MEF2B: variants seen among roughly 807,000 people sequenced by gnomAD.
MEF2B encodes the protein myocyte-specific enhancer factor 2B.
MEF2B carries 15 observed loss-of-function variants against 32.2 expected under a neutral mutation model. The observed-to-expected ratio is 0.47, with a 90% CI of 0.31 to 0.72. The LOEUF is 0.72. MEF2B is among the 30% of genes least tolerant of loss of function. The pLI is 0.05. For missense variants in MEF2B, 441 were observed against 511.5 expected, an observed-to-expected ratio of 0.86 and a Z score of 1.33; for synonymous variants, 205 against 225.6, an observed-to-expected ratio of 0.91 and a Z score of 0.82.
intron 1 of MEF2B, among the ~76,000 whole-genome samples, chr19:19,153,778 T>C (rs917633394): frequency 6.6e-6 from 1 of 152,054 alleles, no homozygotes; most frequent in African/African-American, 2.4e-5. Context: ...TTTGAGACAG[T>C]CTTGCTCTGT....
intron 1 of MEF2B, among the ~76,000 whole-genome samples, chr19:19,152,586 C>T (rs1425646378): frequency 6.6e-6 from 1 of 152,118 alleles, no homozygotes; most frequent in Non-Finnish European, 1.5e-5. Context: ...CACCTGTAGA[C>T]CCAGCTACTC....
chr19:19,147,936 T>A, intron 3 of MEF2B, 104 bp from the exon 4 acceptor site: 2 of 1,477,002 alleles, frequency 1.4e-6, no homozygotes, highest in Non-Finnish European at 8.9e-7. Flanking sequence ...GCTCCATGAG[T>A]GGGGAGGAAT....
chr19:19,164,868 G>A (rs2060194324), intron 1 of MEF2B, among the ~76,000 whole-genome samples: 1 of 152,208 alleles, frequency 6.6e-6, no homozygotes. Context: ...AGCCACAGTA[G>A]TGGCTGCAGG....
chr19:19,165,215 A>G (rs1197382449), intron 1 of MEF2B, among the ~76,000 whole-genome samples: 1 of 152,114 alleles, frequency 6.6e-6, no homozygotes, highest in South Asian at 2.1e-4. Context: ...ACATAACCGT[A>G]TCTGGGAAGA....
chr19:19,150,260 T>C lies in MEF2B; in HGVS notation c.54+422A>G, dbSNP rs530350053. Among the ~76,000 whole-genome samples the C allele has an allele frequency of 2.0e-5, 3 of 149,578 alleles. No individual in the cohort carries two copies. In the East Asian group the frequency reaches 6.2e-4, roughly 31 times the overall value. ...AGAAACACTGACAGACCAGGCGCGG[T>C]GGCTCACGCCTGTAATCCCAGCACT... On this transcript the variant is annotated intron_variant, in intron 2 of 8. Transcript: ENST00000424583.
chr19:19,154,534 C>T (rs982893501), intron 1 of MEF2B, among the ~76,000 whole-genome samples: 1 of 152,112 alleles, frequency 6.6e-6, no homozygotes, highest in African/African-American at 2.4e-5. Context: ...GTCTTCACCT[C>T]CCGGGTTCAA....
At chr19:19,160,890 G>A (rs1046658109) in intron 1 of MEF2B, among the ~76,000 whole-genome samples, 7 of 152,028 alleles carry the variant, frequency 4.6e-5, no homozygotes, top group Non-Finnish European at 7.4e-5. Context: ...CCCTGGGCCC[G>A]CCTCCTCCCC....
Position 19,146,298 on chromosome 19 carries a change from G to T in MEF2B, c.856C>A (p.Pro286Thr). The change falls in exon 8 of 9, where the codon CCC becomes ACC. Residue 286 changes from proline (P) to threonine (T), a missense_variant. By Grantham distance (38) the Pro-to-Thr change is conservative (BLOSUM62 -1). Transcript: ENST00000424583. ...CTGGGCTGGGAGGACACGGCGGGGG[G>T]CCCATCACCCCTCGAGGGCTGCCAG... ...APWQPSRGDG[P>T]PAVSSQPSGG... 7.5e-7 allele frequency: 1 copy of T among 1,328,512 alleles called. No individual in the cohort carries two copies. Among genetic ancestry groups the T allele is most frequent in the Non-Finnish European group, 9.7e-7 (1 of 1,033,142 alleles). The allele number at this position is 1,328,512 out of a possible 1,614,324, so 82.3% of individuals were successfully genotyped here. A position where few individuals can be genotyped will look rare whatever the true frequency, so the allele number is the denominator to read the frequency against.
intron 1 of MEF2B, among the ~76,000 whole-genome samples, chr19:19,164,993 C>T (rs67845377): frequency 0.17 from 25,223 of 152,152 alleles, 2,400 homozygotes; most frequent in East Asian, 0.37. Context: ...CATCTGTCAG[C>T]GCTGGGCAGA....
intron 1 of MEF2B, among the ~76,000 whole-genome samples, chr19:19,163,820 A>G (rs992671731): frequency 2.6e-5 from 4 of 151,612 alleles, no homozygotes; most frequent in Admixed American, 1.3e-4. Flanking sequence ...CACATGGCTA[A>G]TTTTTTGATT....
intron 3 of MEF2B, among the ~76,000 whole-genome samples, chr19:19,148,598 C>G (rs566515406): frequency 6.6e-6 from 1 of 152,306 alleles, no homozygotes; most frequent in Non-Finnish European, 1.5e-5. Context: ...CAAAACACTG[C>G]GGACTCCCAG....
chr19:19,152,459 ATTTT>A lies in MEF2B; in HGVS notation c.-29-1699_-29-1696del, dbSNP rs1482590837. ...GGTAGCTCATGCCTGTAATCCCAGT[ATTTT>A]GGGAGGCTGAGGTGGGTGGATCACG... On this transcript the variant is annotated intron_variant, in intron 1 of 8. Coordinates refer to ENST00000424583, the MANE Select transcript of MEF2B (RefSeq NM_001145785.2). Among the ~76,000 whole-genome samples the A allele has an allele frequency of 1.9e-3, 285 of 151,744 alleles. 1 individual carries two copies. Among genetic ancestry groups the A allele is most frequent in the Non-Finnish European group, 2.9e-3 (200 of 67,940 alleles).
At chr19:19,164,038 C>T (rs1244663226) in intron 1 of MEF2B, among the ~76,000 whole-genome samples, 2 of 152,082 alleles carry the variant, frequency 1.3e-5, no homozygotes, top group African/African-American at 2.4e-5. Flanking sequence ...GCGATCTCAG[C>T]TCACCGCAAC....
At chr19:19,154,991 C>G (rs1237310673) in intron 1 of MEF2B, among the ~76,000 whole-genome samples, 3 of 152,212 alleles carry the variant, frequency 2.0e-5, no homozygotes, top group Non-Finnish European at 4.4e-5. Context: ...TACACCAACT[C>G]TGGAGGCAGG....
chr19:19,170,123 C>T, intron 1 of MEF2B, 82 bp downstream of exon 1: 1 of 398,122 alleles, frequency 2.5e-6, no homozygotes, highest in Non-Finnish European at 4.4e-6. Context: ...CCCAGCAGTA[C>T]ACCCGGACCT....
intron 1 of MEF2B, among the ~76,000 whole-genome samples, chr19:19,161,812 T>G (rs1295598919): frequency 7.1e-6 from 1 of 141,562 alleles, no homozygotes; most frequent in South Asian, 2.3e-4. Context: ...TTCTTTTTTG[T>G]TTTTTTTTTT....
intron 1 of MEF2B, among the ~76,000 whole-genome samples, chr19:19,160,560 G>A (rs557765213): frequency 1.3e-5 from 2 of 151,610 alleles, no homozygotes; most frequent in African/African-American, 4.8e-5. Context: ...CCCTGAGCCC[G>A]CAGGGAGGCC....
intron 1 of MEF2B, among the ~76,000 whole-genome samples, chr19:19,166,597 TA>T (rs56322437): frequency 0.015 from 1,998 of 130,104 alleles, 52 homozygotes; most frequent in African/African-American, 0.05. Context: ...CATCTCCAAT[TA>T]AAAAAAAAAA....
intron 1 of MEF2B, among the ~76,000 whole-genome samples, chr19:19,153,857 C>A (rs1167951850): frequency 6.6e-6 from 1 of 152,108 alleles, no homozygotes; most frequent in Non-Finnish European, 1.5e-5. Context: ...CTCCAGTAAT[C>A]CTCCCACCTC....
Sources: gnomAD v4.1 joint callset for allele counts (sites outside exome capture counted in the v4.1 genomes callset) on GRCh38, gnomAD v4.1.1 for gene constraint, MANE v1.5 for transcripts, NCBI Gene and HGNC (gene_info 2026-07-23, HGNC 2026-07-21) for gene names.